SUCLG2: variants seen among roughly 807,000 people sequenced by gnomAD.
SUCLG2 encodes succinate-CoA ligase GDP-forming subunit beta.
A neutral mutation model predicts 47.9 loss-of-function variants in SUCLG2; 42 were observed. The observed-to-expected ratio is 0.88, with a 90% CI of 0.69 to 1.14. The LOEUF (loss-of-function observed/expected upper bound fraction) is 1.14, where lower values mean the gene tolerates loss of function less well. Among genes scored for constraint, SUCLG2 ranks in the 50% most tolerant of loss-of-function variants. The pLI, the probability that SUCLG2 is intolerant of heterozygous loss-of-function variation, is 0.00. For synonymous variants in SUCLG2, 195 were observed against 197.3 expected (o/e 0.99, Z 0.10); for missense variants, 571 against 525.9 (o/e 1.09, Z -0.84).
intron 1 of SUCLG2, among the ~76,000 whole-genome samples, chr3:67,624,339 A>G (rs1397273386): frequency 6.6e-6 from 1 of 152,222 alleles, no homozygotes; most frequent in Non-Finnish European, 1.5e-5. Flanking sequence ...GTGCAGAATG[A>G]TAATTGGTGT....
chr3:67,532,768 C>T (rs1255614507), intron 2 of SUCLG2, among the ~76,000 whole-genome samples: 9 of 152,136 alleles, frequency 5.9e-5, no homozygotes, highest in Admixed American at 2.0e-4. Context: ...ATATTTAGAG[C>T]GATTTAAAAA....
At chr3:67,360,614 T>G in exon 11 of SUCLG2, 1 of 1,493,778 alleles carries the variant, frequency 6.7e-7, no homozygotes, top group Non-Finnish European at 8.9e-7. Context: ...GCAAGTATCT[T>G]AGCAAAGTAA....
chr3:67,371,593 T>C (rs147035608), downstream of SUCLG2, among the ~76,000 whole-genome samples: 1,640 of 152,322 alleles, frequency 0.011, 8 homozygotes, highest in Middle Eastern at 0.034. Context: ...ATTCACATTG[T>C]AGTCCATATG....
chr3:67,382,897 C>T (rs1463694847), intron 10 of SUCLG2, among the ~76,000 whole-genome samples: 4 of 152,186 alleles, frequency 2.6e-5, no homozygotes, highest in Non-Finnish European at 4.4e-5. Flanking sequence ...CCTCAAATGT[C>T]CACTGCTCCT....
chr3:67,593,251 T>C (rs1218754996), intron 2 of SUCLG2, among the ~76,000 whole-genome samples: 2 of 136,022 alleles, frequency 1.5e-5, no homozygotes, highest in Non-Finnish European at 3.2e-5. Flanking sequence ...ATTTGCATAT[T>C]CAATTGGTCT....
intron 10 of SUCLG2, among the ~76,000 whole-genome samples, chr3:67,377,993 G>A (rs781245609): frequency 2.0e-5 from 3 of 152,108 alleles, no homozygotes; most frequent in Non-Finnish European, 2.9e-5. Flanking sequence ...CTTCAGCCTG[G>A]ATACTTTAAT....
chr3:67,619,193 T>C (rs951405707), intron 1 of SUCLG2, among the ~76,000 whole-genome samples: 65 of 152,328 alleles, frequency 4.3e-4, no homozygotes, highest in African/African-American at 1.4e-3. Context: ...CCAAATCAAA[T>C]ACTAGTGAAC....
chr3:67,504,274 G>A (rs1705580612), intron 7 of SUCLG2, among the ~76,000 whole-genome samples: 1 of 151,942 alleles, frequency 6.6e-6, no homozygotes, highest in African/African-American at 2.4e-5. Context: ...GGGAGGTAGA[G>A]AACCGAAAAT....
intron 10 of SUCLG2, among the ~76,000 whole-genome samples, chr3:67,391,470 G>A (rs527631182): frequency 1.6e-4 from 25 of 152,250 alleles, no homozygotes; most frequent in Middle Eastern, 3.4e-3. Flanking sequence ...AGAGTTTAGA[G>A]GCAGCCATAG....
chr3:67,618,894 C>G (rs559775067), intron 1 of SUCLG2, among the ~76,000 whole-genome samples: 3 of 152,278 alleles, frequency 2.0e-5, no homozygotes, highest in Admixed American at 6.5e-5. Flanking sequence ...TCAAGAGAAA[C>G]AACACTTGAG....
At chr3:67,403,060 C>T (rs547946589) in intron 9 of SUCLG2, among the ~76,000 whole-genome samples, 1 of 152,202 alleles carries the variant, frequency 6.6e-6, no homozygotes, top group African/African-American at 2.4e-5. Flanking sequence ...TCCCATGAGT[C>T]TCTCATGTGT....
intron 7 of SUCLG2, among the ~76,000 whole-genome samples, chr3:67,505,678 C>T (rs1001052285): frequency 2.0e-5 from 3 of 152,090 alleles, no homozygotes; most frequent in Non-Finnish European, 2.9e-5. Context: ...GAGGTGGGTA[C>T]AGGCCAGGCA....
chr3:67,522,532 T>C (rs888271096), intron 4 of SUCLG2, among the ~76,000 whole-genome samples: 2 of 151,968 alleles, frequency 1.3e-5, no homozygotes, highest in African/African-American at 4.8e-5. Context: ...TTGAGAGAGG[T>C]TGTTCCAACT....
rs141276520 is a variant in SUCLG2 at position 67,431,406 on chromosome 3, C to G, written c.1063-30555G>C. Among the ~76,000 whole-genome samples the G allele has an allele frequency of 1.9e-3, 296 of 152,258 alleles. 1 individual carries two copies. Among genetic ancestry groups the G allele is most frequent in the African/African-American group, 6.7e-3 (279 of 41,550 alleles). ...AGGCCTTTGATAAAATTCAACACCC[C>G]TTCATGCTAAAAACTCTCAGTGAAC... is the stretch of plus-strand genomic sequence containing the variant. On this transcript the variant is annotated intron_variant, in intron 9 of 10. Coordinates refer to ENST00000307227, the MANE Select transcript of SUCLG2 (RefSeq NM_003848.4).
intron 9 of SUCLG2, among the ~76,000 whole-genome samples, chr3:67,454,419 A>AG: frequency 6.7e-6 from 1 of 149,442 alleles, no homozygotes; most frequent in Non-Finnish European, 1.5e-5. Flanking sequence ...AAAAAAATAG[A>AG]AGGTGAAATA....
intron 4 of SUCLG2, among the ~76,000 whole-genome samples, chr3:67,525,929 TA>T (rs1435678491): frequency 6.6e-6 from 1 of 152,164 alleles, no homozygotes; most frequent in Non-Finnish European, 1.5e-5. Flanking sequence ...AACTCAATAG[TA>T]AAAACATAAT....
chr3:67,470,897 CA>C (rs1704588549), intron 9 of SUCLG2, among the ~76,000 whole-genome samples: 1 of 152,172 alleles, frequency 6.6e-6, no homozygotes, highest in Non-Finnish European at 1.5e-5. Context: ...ACAAACCAAA[CA>C]GGTGAAATGG....
At chr3:67,582,899 C>T (rs1406784748) in intron 2 of SUCLG2, among the ~76,000 whole-genome samples, 3 of 152,076 alleles carry the variant, frequency 2.0e-5, no homozygotes, top group South Asian at 2.1e-4. Flanking sequence ...TTACATCACA[C>T]GATAATTCTC....
chr3:67,602,016 C>T (rs1469297540), intron 2 of SUCLG2, among the ~76,000 whole-genome samples: 3 of 104,040 alleles, frequency 2.9e-5, no homozygotes, highest in East Asian at 5.5e-4. Context: ...AAAATAAAAA[C>T]AAGATAATAC....
Sources: gnomAD v4.1 joint callset for allele counts (sites outside exome capture counted in the v4.1 genomes callset) on GRCh38, gnomAD v4.1.1 for gene constraint, MANE v1.5 for transcripts, NCBI Gene and HGNC (gene_info 2026-07-23, HGNC 2026-07-21) for gene names.